Variants in DNAAF5 observed in about 807,000 individuals in gnomAD.
The protein encoded by DNAAF5 is HEAT repeat containing 2.
In DNAAF5, 64 loss-of-function variants were observed where a neutral mutation model predicts 75.8. The ratio of observed to expected loss-of-function variants is 0.84; its 90% CI spans 0.69 to 1.04. DNAAF5 has a LOEUF of 1.04. DNAAF5 is among the 50% of genes least tolerant of loss of function. The pLI, the probability that DNAAF5 is intolerant of heterozygous loss-of-function variation, is 0.00. For missense variants in DNAAF5, 1,269 were observed against 1,178.5 expected (o/e 1.08, Z -1.12); for synonymous variants, 657 against 557.2 (o/e 1.18, Z -2.52).
At chr7:733,829 GGTTAA>G (rs1180068284) in intron 2 of DNAAF5, among the ~76,000 whole-genome samples, 2 of 152,076 alleles carry the variant, frequency 1.3e-5, no homozygotes, top group African/African-American at 4.8e-5. Context: ...TCACTTCTTT[GGTTAA>G]GTTAATTCCT....
At chr7:741,498 G>T in intron 4 of DNAAF5, 33 bp downstream of exon 4, 9 of 1,342,160 alleles carry the variant, frequency 6.7e-6, no homozygotes, top group Non-Finnish European at 9.4e-6. Flanking sequence ...AGCGCCAGGA[G>T]GCGAGCCCTT....
chr7:773,905 G>A (rs1055782909), intron 9 of DNAAF5, 143 bp from the exon 10 acceptor site: 3 of 893,190 alleles, frequency 3.4e-6, no homozygotes, highest in East Asian at 5.0e-5. Context: ...AGCAGCTCCT[G>A]AGAGGAGGAG....
chr7:768,104 C>T (rs1431642781), intron 8 of DNAAF5, among the ~76,000 whole-genome samples: 4 of 91,294 alleles, frequency 4.4e-5, no homozygotes, highest in Non-Finnish European at 8.6e-5. Flanking sequence ...GCGCTGGGAG[C>T]GGAGACAGGT....
intron 6 of DNAAF5, among the ~76,000 whole-genome samples, chr7:759,522 T>C (rs1004567074): frequency 6.6e-6 from 1 of 152,226 alleles, no homozygotes; most frequent in African/African-American, 2.4e-5. Flanking sequence ...TTTTCTGAAT[T>C]AAAAACCTTT....
intron 2 of DNAAF5, among the ~76,000 whole-genome samples, chr7:739,793 G>A (rs1056148297): frequency 1.1e-4 from 16 of 152,188 alleles, no homozygotes; most frequent in African/African-American, 3.6e-4. Flanking sequence ...CGGATCCTAG[G>A]TGCGTCTGCT....
intron 8 of DNAAF5, chr7:769,176 A>T: frequency 1.3e-6 from 1 of 774,438 alleles, no homozygotes; most frequent in South Asian, 1.4e-5. Context: ...GAGAAGGCTC[A>T]CATCGCGAGG....
At chr7:763,418 C>T (rs1782726319) in intron 7 of DNAAF5, among the ~76,000 whole-genome samples, 1 of 152,194 alleles carries the variant, frequency 6.6e-6, no homozygotes, top group Admixed American at 6.5e-5. Context: ...GAGGTCTGGT[C>T]TGCTGGGCTT....
intron 8 of DNAAF5, chr7:769,176 A>C: frequency 1.3e-6 from 1 of 774,438 alleles, no homozygotes; most frequent in East Asian, 2.4e-5. Context: ...GAGAAGGCTC[A>C]CATCGCGAGG....
At chr7:730,834 G>A (rs1250757855) in intron 2 of DNAAF5, among the ~76,000 whole-genome samples, 1 of 152,230 alleles carries the variant, frequency 6.6e-6, no homozygotes, top group Non-Finnish European at 1.5e-5. Context: ...CATCAGGCCA[G>A]CGGAAGTTGA....
At chr7:764,001 C>G (rs1016036015) in intron 8 of DNAAF5, 27 bp downstream of exon 8, 2 of 1,598,050 alleles carry the variant, frequency 1.3e-6, no homozygotes, top group African/African-American at 1.3e-5. Context: ...GCTGGCGTGC[C>G]GTGCCTGGCC....
chr7:781,985 T>G (rs1778963477), intron 12 of DNAAF5, among the ~76,000 whole-genome samples: 1 of 152,290 alleles, frequency 6.6e-6, no homozygotes, highest in Non-Finnish European at 1.5e-5. Context: ...CTTTGCTGTG[T>G]GGAAGCTTTG....
chr7:732,843 A>G (rs1388735377), intron 2 of DNAAF5, among the ~76,000 whole-genome samples: 1 of 152,006 alleles, frequency 6.6e-6, no homozygotes, highest in African/African-American at 2.4e-5. Flanking sequence ...ACTTGATGTG[A>G]TCCCATTTGC....
At chr7:729,599 C>A in intron 1 of DNAAF5, 64 bp from the exon 2 acceptor site, 2 of 1,511,368 alleles carry the variant, frequency 1.3e-6, no homozygotes, top group Non-Finnish European at 1.8e-6. Context: ...CCTCTGGAAG[C>A]CCACAGAGCT....
chr7:727,466 C>T (rs1274418051), intron 1 of DNAAF5, 151 bp downstream of exon 1: 1 of 330,462 alleles, frequency 3.0e-6, no homozygotes, highest in East Asian at 4.8e-5. Context: ...GCGCCGCTTC[C>T]CCCACCCGCC....
intron 6 of DNAAF5, 148 bp downstream of exon 6, chr7:757,142 G>A (rs987407896): frequency 2.8e-5 from 21 of 743,356 alleles, no homozygotes; most frequent in Admixed American, 8.5e-5. Context: ...GGTCCGCCCC[G>A]TGCCGCCAGG....
Position 746,020 on chromosome 7 carries a change from A to G in DNAAF5, c.1024+4555A>G, listed in dbSNP as rs184385245. ...TTGAATGACAGTCAGTCAGTCGCAT[A>G]AGCACTACGTTGTGTTAGATTTTTG... On this transcript the variant is annotated intron_variant, in intron 4 of 12. Transcript: ENST00000297440. 3.1e-3 allele frequency among the ~76,000 whole-genome samples: 467 copies of G among 152,370 alleles called. 1 individual carries two copies. The highest frequency in any genetic ancestry group is 8.8e-3 in the Admixed American group (135 of 15,314).
rs192313922 is a variant in DNAAF5 at position 749,946 on chromosome 7, G to A, written c.1025-4643G>A. Among the ~76,000 whole-genome samples the A allele has an allele frequency of 1.0e-3, 159 of 152,222 alleles. 1 individual carries two copies. The highest frequency in any genetic ancestry group is 8.1e-3 in the South Asian group (39 of 4,820). On this transcript the variant is annotated intron_variant, in intron 4 of 12. Transcript: ENST00000297440. The stretch of plus-strand genomic sequence containing the variant: ...ACTCCTGGCCTCAGGTGATCCACCC[G>A]CCTTGGCCTCCCAAAGTGCTAGGAT...
At chr7:742,046 C>T (rs1781927431) in intron 4 of DNAAF5, among the ~76,000 whole-genome samples, 1 of 152,202 alleles carries the variant, frequency 6.6e-6, no homozygotes, top group Admixed American at 6.5e-5. Flanking sequence ...CCGCAGAGCC[C>T]AGCAGGTCTG....
At chr7:783,814 T>A (rs1779060389) in intron 12 of DNAAF5, among the ~76,000 whole-genome samples, 1 of 151,822 alleles carries the variant, frequency 6.6e-6, no homozygotes, top group African/African-American at 2.4e-5. Flanking sequence ...TCTGAGCTTC[T>A]CCTACTCTCA....
Sources: allele counts gnomAD v4.1 joint callset (sites outside exome capture counted in the v4.1 genomes callset), GRCh38; gene constraint gnomAD v4.1.1; transcripts MANE v1.5; gene names NCBI Gene and HGNC (gene_info 2026-07-23, HGNC 2026-07-21).